Variants in DCDC2C observed in about 807,000 individuals in gnomAD.
The protein encoded by DCDC2C is doublecortin domain containing 2C.
A neutral mutation model predicts 45.0 loss-of-function variants in DCDC2C; 44 were observed. That is an observed-to-expected ratio of 0.98 (90% CI 0.77 to 1.26). DCDC2C has a LOEUF of 1.26. Ranked by LOEUF, DCDC2C falls within the 50% of genes most tolerant of loss-of-function variation. The pLI is 0.00. For synonymous variants in DCDC2C, 187 were observed against 178.8 expected, an observed-to-expected ratio of 1.05 and a Z score of -0.37; for missense variants, 447 against 468.9, an observed-to-expected ratio of 0.95 and a Z score of 0.43.
chr2:3,838,088 T>C (rs1157286535), intron 10 of DCDC2C, among the ~76,000 whole-genome samples: 2 of 152,130 alleles, frequency 1.3e-5, no homozygotes, highest in South Asian at 4.1e-4. Context: ...TGGGGTTATG[T>C]CGTGGCACTA....
At chr2:3,709,260 T>C (rs1056752296) in intron 2 of DCDC2C, among the ~76,000 whole-genome samples, 9 of 152,374 alleles carry the variant, frequency 5.9e-5, no homozygotes, top group African/African-American at 1.4e-4. Flanking sequence ...GCAATGTTGC[T>C]GTTCTTAAAT....
rs11688009 is a variant in DCDC2C at position 3,847,577 on chromosome 2, A to G, written c.*394A>G. Among the ~76,000 whole-genome samples, 3,686 of 152,312 alleles carry G rather than the reference A, an allele frequency of 0.024. 153 individuals carry two copies. The highest frequency in any genetic ancestry group is 0.083 in the African/African-American group (3,447 of 41,546). On this transcript the variant is annotated 3_prime_UTR_variant, in exon 11 of 11. Coordinates refer to ENST00000399143, the MANE Select transcript of DCDC2C (RefSeq NM_001287444.2). Reference sequence around the variant, plus strand: ...GGTTGTCACAAAAGCAGGTACTGATAACCTTTGCTATGTAAAGTTCAAAGT... The same window carrying G: ...GGTTGTCACAAAAGCAGGTACTGATGACCTTTGCTATGTAAAGTTCAAAGT...
At position 3,766,438 on chromosome 2, in the gene DCDC2C, G is replaced by A. The variant is rs535805944; in HGVS notation, c.727-1316G>A. On this transcript the variant is annotated intron_variant, in intron 6 of 10. Coordinates refer to ENST00000399143, the MANE Select transcript of DCDC2C (RefSeq NM_001287444.2). ...CAGACTTTCAGAATCCCAACCCCCA[G>A]CCAAAATACAAGCACCATATACCAT... 7.2e-5 allele frequency among the ~76,000 whole-genome samples: 11 copies of A among 152,196 alleles called. No individual in the cohort carries two copies. In the South Asian group the frequency reaches 1.7e-3, roughly 23 times the overall value.
At chr2:3,806,518 G>A (rs1172032170) in intron 10 of DCDC2C, among the ~76,000 whole-genome samples, 2 of 151,254 alleles carry the variant, frequency 1.3e-5, no homozygotes, top group African/African-American at 2.4e-5. Flanking sequence ...GCTTCAACAC[G>A]TGGGCTTGTG....
intron 10 of DCDC2C, among the ~76,000 whole-genome samples, chr2:3,836,938 A>G (rs67248789): frequency 0.18 from 26,603 of 152,000 alleles, 2,542 homozygotes; most frequent in East Asian, 0.34. Flanking sequence ...ACTATCTTAT[A>G]AATCTAAAAT....
At chr2:3,754,505 C>T (rs1669634297) in intron 5 of DCDC2C, 87 bp from the exon 6 acceptor site, 3 of 1,372,704 alleles carry the variant, frequency 2.2e-6, no homozygotes, top group South Asian at 1.3e-5. Context: ...TCACTTCCCT[C>T]CTAAAGACAA....
intron 3 of DCDC2C, 75 bp from the exon 4 acceptor site, chr2:3,741,845 T>C (rs1669219565): frequency 7.1e-7 from 1 of 1,417,090 alleles, no homozygotes; most frequent in Non-Finnish European, 9.5e-7. Flanking sequence ...TCTGTAATTG[T>C]ATATATATTG....
chr2:3,719,102 T>G (rs1668425482), intron 2 of DCDC2C, among the ~76,000 whole-genome samples: 1 of 152,028 alleles, frequency 6.6e-6, no homozygotes, highest in Admixed American at 6.5e-5. Flanking sequence ...TTTTTTTTTT[T>G]TGGGATGGAG....
chr2:3,734,209 G>A lies in DCDC2C; in HGVS notation c.416+7130G>A, dbSNP rs897674254. ...CTTCATTTCTTCTGTCTTCATGCAA[G>A]CCCGAGTAAATGATTCATTCAGCCA... On this transcript the variant is annotated intron_variant, in intron 3 of 10. Transcript: ENST00000399143. This position sits in a 1 kb window ranked among gnomAD's most constrained non-coding sequence, Gnocchi z 4.2. Among the ~76,000 whole-genome samples, 1 of 152,212 alleles carries A rather than the reference G, an allele frequency of 6.6e-6. No homozygotes were observed. The highest frequency in any genetic ancestry group is 1.5e-5 in the Non-Finnish European group (1 of 68,034).
chr2:3,774,619 C>T (rs1031848701), intron 8 of DCDC2C, among the ~76,000 whole-genome samples: 1 of 152,170 alleles, frequency 6.6e-6, no homozygotes, highest in Non-Finnish European at 1.5e-5. Context: ...CTGAAAGCTG[C>T]CGCGTGTCTA....
At chr2:3,814,613 G>T (rs1671508430) in intron 10 of DCDC2C, among the ~76,000 whole-genome samples, 1 of 152,210 alleles carries the variant, frequency 6.6e-6, no homozygotes, top group Non-Finnish European at 1.5e-5. Flanking sequence ...GGCCTTTTGG[G>T]TTTTCAGCAT....
At chr2:3,743,355 CAGAA>C (rs1347301333) in intron 4 of DCDC2C, among the ~76,000 whole-genome samples, 1 of 152,162 alleles carries the variant, frequency 6.6e-6, no homozygotes, top group Admixed American at 6.5e-5. Flanking sequence ...ATCATCCAGA[CAGAA>C]AGTCAATAAG....
chr2:3,728,960 T>A (rs1006005353), intron 3 of DCDC2C, among the ~76,000 whole-genome samples: 1 of 152,302 alleles, frequency 6.6e-6, no homozygotes, highest in African/African-American at 2.4e-5. Context: ...AGGCTCAGAT[T>A]GAAGCCCTGG....
At chr2:3,762,834 G>A (rs1669916133) in intron 6 of DCDC2C, among the ~76,000 whole-genome samples, 1 of 152,172 alleles carries the variant, frequency 6.6e-6, no homozygotes, top group East Asian at 1.9e-4. Flanking sequence ...GTGTAGGAGA[G>A]TTCTCCAGGT....
Position 3,722,097 on chromosome 2 carries a change from T to A in DCDC2C, c.340-4906T>A, listed in dbSNP as rs115880962. 8.7e-3 allele frequency among the ~76,000 whole-genome samples: 1,321 copies of A among 152,340 alleles called. 21 individuals carry two copies. Among genetic ancestry groups the A allele is most frequent in the African/African-American group, 0.03 (1,255 of 41,570 alleles). ...TTACTCACTTTGGAGGCAACAACTT[T>A]ATGAGGTGTGCACTACTGCTATTAG... is the stretch of plus-strand genomic sequence containing the variant. On this transcript the variant is annotated intron_variant, in intron 2 of 10. Coordinates refer to ENST00000399143, the MANE Select transcript of DCDC2C (RefSeq NM_001287444.2).
intron 10 of DCDC2C, among the ~76,000 whole-genome samples, chr2:3,820,253 T>C (rs1030009264): frequency 3.3e-5 from 5 of 152,144 alleles, no homozygotes; most frequent in Admixed American, 1.3e-4. Flanking sequence ...CGAGTTTGTA[T>C]TGGGGCCAAG....
At position 3,763,267 on chromosome 2, in the gene DCDC2C, A is replaced by T. The variant is rs561421738; in HGVS notation, c.727-4487A>T. ...GTGTTGTGGTCCCCAGCACAGCCCCAGGAGGCAGGCACCATCTCCATTCTA... is the reference window on the plus strand; with the variant it reads ...GTGTTGTGGTCCCCAGCACAGCCCCTGGAGGCAGGCACCATCTCCATTCTA... On this transcript the variant is annotated intron_variant, in intron 6 of 10. Coordinates refer to ENST00000399143, the MANE Select transcript of DCDC2C (RefSeq NM_001287444.2). Among the ~76,000 whole-genome samples, 13 of 152,180 alleles carry T rather than the reference A, an allele frequency of 8.5e-5. No individual in the cohort carries two copies. In the South Asian group the frequency reaches 2.1e-3, roughly 24 times the overall value.
chr2:3,780,182 C>G (rs10200764), intron 9 of DCDC2C, among the ~76,000 whole-genome samples: 52,043 of 151,958 alleles, frequency 0.34, 8,975 homozygotes, highest in South Asian at 0.45. Flanking sequence ...GCAGGAGTGA[C>G]AGTGCAGACA....
intron 1 of DCDC2C, among the ~76,000 whole-genome samples, chr2:3,707,140 T>C (rs1349871070): frequency 6.6e-6 from 1 of 152,228 alleles, no homozygotes; most frequent in Non-Finnish European, 1.5e-5. Context: ...GGCTTCTCTA[T>C]GTGCCTGAGT....
Sources: gnomAD v4.1 joint callset for allele counts (sites outside exome capture counted in the v4.1 genomes callset) on GRCh38, gnomAD v4.1.1 for gene constraint, Gnocchi (gnomAD v3.1) non-coding constraint, MANE v1.5 for transcripts, NCBI Gene and HGNC (gene_info 2026-07-23, HGNC 2026-07-21) for gene names.